Variants in KCND3 observed in about 807,000 individuals in gnomAD.
KCND3 encodes the protein potassium voltage-gated channel subfamily D member 3.
In KCND3, 9 loss-of-function variants were observed where a neutral mutation model predicts 51.1. That is an observed-to-expected ratio of 0.18 (90% CI 0.11 to 0.31). KCND3 has a LOEUF of 0.31. Ranked by LOEUF, KCND3 falls within the 10% of genes least tolerant of loss-of-function variation. The pLI is 1.00. For missense variants in KCND3, 526 were observed against 903.8 expected, an observed-to-expected ratio of 0.58 and a Z score of 5.36; for synonymous variants, 349 against 368.0, an observed-to-expected ratio of 0.95 and a Z score of 0.59.
At position 111,773,485 on chromosome 1, in the gene KCND3, A is replaced by G. The variant is rs1365407519; in HGVS notation, c.*2592T>C. ...CACCTGGGCTGGAGTGCAGTGGTGC[A>G]ATCACGGCTCACTGCAACCTCTGCC... On this transcript the variant is annotated 3_prime_UTR_variant, in exon 8 of 8. Coordinates refer to ENST00000302127, the MANE Select transcript of KCND3 (RefSeq NM_001378969.1). The G allele has an allele frequency of 2.1e-5, 3 of 142,248 alleles. No individual in the cohort carries two copies. Among genetic ancestry groups the G allele is most frequent in the Non-Finnish European group, 4.5e-5 (3 of 66,976 alleles). The allele number at this position is 142,248 out of a possible 1,614,324, so 8.8% of individuals were successfully genotyped here.
At chr1:111,918,901 A>C (rs1228351613) in intron 2 of KCND3, among the ~76,000 whole-genome samples, 1 of 152,014 alleles carries the variant, frequency 6.6e-6, no homozygotes, top group African/African-American at 2.4e-5. Context: ...TGATTTTTAC[A>C]TCTTAAATGA....
rs1664015787 is a variant in KCND3, at chr1:111,774,040, C to T, written c.*2037G>A. ...ACCACTCCATTCCCACATTAGGGGA[C>T]CCAGAGAAAGAACTCAGCCCATGGT... On this transcript the variant is annotated 3_prime_UTR_variant, in exon 8 of 8. Coordinates refer to ENST00000302127, the MANE Select transcript of KCND3 (RefSeq NM_001378969.1). 1 of 152,118 alleles carries T rather than the reference C, an allele frequency of 6.6e-6. No homozygotes were observed. The highest frequency in any genetic ancestry group is 1.5e-5 in the Non-Finnish European group (1 of 68,074). The allele number at this position is 152,118 out of a possible 1,614,324, so 9.4% of individuals were successfully genotyped here.
chr1:111,950,002 C>G (rs1032850982), intron 2 of KCND3, among the ~76,000 whole-genome samples: 3 of 152,196 alleles, frequency 2.0e-5, no homozygotes, highest in Admixed American at 1.3e-4. Context: ...CCTCCACCTC[C>G]CGGGTTCGAG....
rs6671611 is a variant in KCND3, at chr1:111,904,887, C to T, written c.1106+76734G>A. Among the ~76,000 whole-genome samples the T allele has an allele frequency of 9.3e-3, 1,419 of 152,306 alleles. 18 individuals are homozygous for T. The highest frequency in any genetic ancestry group is 0.033 in the African/African-American group (1,365 of 41,564). On this transcript the variant is annotated intron_variant, in intron 2 of 7. Coordinates refer to ENST00000302127, the MANE Select transcript of KCND3 (RefSeq NM_001378969.1). ...CAGGATGCACTTGGGCCACCACCCT[C>T]GGGGGCTCCCAGCTGGCCAAGCAGG...
intron 2 of KCND3, among the ~76,000 whole-genome samples, chr1:111,882,874 C>A (rs1033235663): frequency 6.6e-6 from 1 of 152,106 alleles, no homozygotes; most frequent in Non-Finnish European, 1.5e-5. Context: ...GAGCCTGGGG[C>A]CTTGCTGAAT....
chr1:111,864,451 T>C (rs1385989357), intron 2 of KCND3, among the ~76,000 whole-genome samples: 4 of 152,250 alleles, frequency 2.6e-5, no homozygotes, highest in Admixed American at 6.5e-5. Context: ...TCTTTTTTTG[T>C]ATTTCAGTAA....
At chr1:111,983,287 C>G (rs1675075075) in intron 1 of KCND3, among the ~76,000 whole-genome samples, 1 of 152,114 alleles carries the variant, frequency 6.6e-6, no homozygotes, top group African/African-American at 2.4e-5. Context: ...ATCAGGTAAA[C>G]AATTCTTTCT....
chr1:111,940,072 G>GTTTTTTTTT (rs1672424449), intron 2 of KCND3, among the ~76,000 whole-genome samples: 1 of 56,202 alleles, frequency 1.8e-5, no homozygotes, highest in South Asian at 8.0e-4. Flanking sequence ...ACTTTTTGAT[G>GTTTTTTTTT]GTTTTTTTTT....
intron 2 of KCND3, among the ~76,000 whole-genome samples, chr1:111,804,741 T>C (rs375702560): frequency 3.9e-5 from 6 of 152,382 alleles, no homozygotes; most frequent in African/African-American, 1.2e-4. Flanking sequence ...GATAGGGAGA[T>C]GGGTTCTATA....
chr1:111,946,841 C>A (rs1672802266), intron 2 of KCND3, among the ~76,000 whole-genome samples: 1 of 152,170 alleles, frequency 6.6e-6, no homozygotes, highest in African/African-American at 2.4e-5. Context: ...AGTGAATCTG[C>A]CAATCAATAA....
chr1:111,974,907 A>C (rs1033512111), intron 2 of KCND3, among the ~76,000 whole-genome samples: 4 of 152,246 alleles, frequency 2.6e-5, no homozygotes, highest in African/African-American at 4.8e-5. Context: ...TGAATTGCTG[A>C]ATCAGAAGAC....
chr1:111,878,493 G>A (rs1669158871), intron 2 of KCND3, among the ~76,000 whole-genome samples: 1 of 152,180 alleles, frequency 6.6e-6, no homozygotes, highest in South Asian at 2.1e-4. Context: ...CCCCACCCCT[G>A]GCTCCTCTGC....
chr1:111,813,012 G>C (rs1486115198), intron 2 of KCND3, among the ~76,000 whole-genome samples: 1 of 152,180 alleles, frequency 6.6e-6, no homozygotes, highest in Non-Finnish European at 1.5e-5. Context: ...TAGTGGGCAG[G>C]AGTGGGGTGC....
chr1:111,774,478 T>G lies in KCND3; in HGVS notation c.*1599A>C, dbSNP rs1014248265. ...ATGGTTAGGAGGATTCCAGAAATGC[T>G]GCCCCCAGCTCCACCAGGGTGCAAG... On this transcript the variant is annotated 3_prime_UTR_variant, in exon 8 of 8. Coordinates refer to ENST00000302127, the MANE Select transcript of KCND3 (RefSeq NM_001378969.1). The G allele has an allele frequency of 6.6e-6, 1 of 152,260 alleles. No individual in the cohort carries two copies. Among genetic ancestry groups the G allele is most frequent in the Non-Finnish European group, 1.5e-5 (1 of 68,086 alleles). 9.4% of individuals were successfully genotyped at this position (152,260 alleles called of 1,614,324 possible).
At chr1:111,907,285 G>A (rs945527216) in intron 2 of KCND3, among the ~76,000 whole-genome samples, 1 of 152,354 alleles carries the variant, frequency 6.6e-6, no homozygotes, top group South Asian at 2.1e-4. Flanking sequence ...TAACAAAGGG[G>A]AAGACTCTCA....
intron 2 of KCND3, among the ~76,000 whole-genome samples, chr1:111,953,386 G>T (rs12123843): frequency 0.11 from 16,123 of 152,216 alleles, 1,103 homozygotes; most frequent in East Asian, 0.29. Flanking sequence ...GTTTTATATG[G>T]GCTCTCTGCA....
intron 2 of KCND3, among the ~76,000 whole-genome samples, chr1:111,914,786 G>A (rs111783794): frequency 4.6e-4 from 61 of 132,342 alleles, no homozygotes; most frequent in Admixed American, 1.3e-3. Flanking sequence ...CAGGAAAAAG[G>A]AAAATGATAC....
intron 3 of KCND3, among the ~76,000 whole-genome samples, chr1:111,781,244 T>C (rs1281332601): frequency 6.6e-6 from 1 of 152,216 alleles, no homozygotes; most frequent in East Asian, 1.9e-4. Context: ...ATTAGTTAAT[T>C]ATGAGAAAAG....
intron 2 of KCND3, among the ~76,000 whole-genome samples, chr1:111,973,685 C>T (rs1674468772): frequency 6.6e-6 from 1 of 152,242 alleles, no homozygotes; most frequent in Non-Finnish European, 1.5e-5. Context: ...AATTGATGCA[C>T]ATTTCTTGTG....
Sources: gnomAD v4.1 joint callset for allele counts (sites outside exome capture counted in the v4.1 genomes callset) on GRCh38, gnomAD v4.1.1 for gene constraint, MANE v1.5 for transcripts, NCBI Gene and HGNC (gene_info 2026-07-23, HGNC 2026-07-21) for gene names.